Variants in SARNP observed in about 807,000 individuals in gnomAD.
The protein encoded by SARNP is SAP domain-containing ribonucleoprotein.
SARNP carries 5 observed loss-of-function variants against 38.1 expected under a neutral mutation model. The observed-to-expected ratio is 0.13, with a 90% confidence interval of 0.07 to 0.28. The LOEUF (loss-of-function observed/expected upper bound fraction) is 0.28, where lower values mean the gene tolerates loss of function less well. SARNP is among the 10% of genes least tolerant of loss of function. SARNP has a pLI of 1.00. For synonymous variants in SARNP, 84 were observed against 80.6 expected (o/e 1.04, Z -0.23); for missense variants, 180 against 243.9 (o/e 0.74, Z 1.75).
chr12:55,790,061 A>C (rs1879619633), intron 8 of SARNP, among the ~76,000 whole-genome samples: 1 of 151,894 alleles, frequency 6.6e-6, no homozygotes, highest in Non-Finnish European at 1.5e-5. Context: ...ATTCTATTTC[A>C]CCACAGCATT....
chr12:55,783,538 T>C (rs1038605981), intron 9 of SARNP, among the ~76,000 whole-genome samples: 2 of 151,854 alleles, frequency 1.3e-5, no homozygotes, highest in Non-Finnish European at 2.9e-5. Context: ...ACAAACAGAC[T>C]TTTCTTGGGC....
At position 55,784,713 on chromosome 12, in the gene SARNP, C is replaced by T. The variant is rs115632708; in HGVS notation, c.501+4362G>A. ...AGATATGAGTTGTCCGATATGGTAGCCACTAGCCACAAATGGCTTTGTAAA... is the reference window on the plus strand; with the variant it reads ...AGATATGAGTTGTCCGATATGGTAGTCACTAGCCACAAATGGCTTTGTAAA... On this transcript the variant is annotated intron_variant, in intron 9 of 10. Transcript: ENST00000336133. Among the ~76,000 whole-genome samples, 476 of 152,278 alleles carry T rather than the reference C, an allele frequency of 3.1e-3. 1 individual carries two copies. Among genetic ancestry groups the T allele is most frequent in the African/African-American group, 0.011 (440 of 41,538 alleles).
intron 9 of SARNP, among the ~76,000 whole-genome samples, chr12:55,766,182 C>G (rs146993853): frequency 9.2e-5 from 14 of 152,302 alleles, no homozygotes; most frequent in Non-Finnish European, 2.1e-4. Context: ...CATCCCTCCC[C>G]CACTACCCTC....
At chr12:55,786,790 T>C (rs1879509504) in intron 9 of SARNP, among the ~76,000 whole-genome samples, 1 of 152,140 alleles carries the variant, frequency 6.6e-6, no homozygotes, top group Admixed American at 6.6e-5. Flanking sequence ...TTAAAGTGCA[T>C]GTGGCTTAAG....
chr12:55,797,682 A>G (rs931536579), intron 4 of SARNP, among the ~76,000 whole-genome samples: 5 of 152,202 alleles, frequency 3.3e-5, no homozygotes, highest in Admixed American at 3.3e-4. Flanking sequence ...GTTTCCTTCC[A>G]TTCTATTACA....
intron 4 of SARNP, among the ~76,000 whole-genome samples, chr12:55,799,893 A>C: frequency 6.6e-6 from 1 of 150,470 alleles, no homozygotes; most frequent in Admixed American, 6.6e-5. Flanking sequence ...ACTCTTATGA[A>C]CAGTTAACAG....
At chr12:55,760,468 G>A (rs759544215) in intron 10 of SARNP, 83 bp downstream of exon 10, 4 of 799,630 alleles carry the variant, frequency 5.0e-6, no homozygotes, top group South Asian at 1.5e-5. Context: ...AAATAAATAG[G>A]TGGGGAAACA....
intron 9 of SARNP, among the ~76,000 whole-genome samples, chr12:55,766,499 C>G (rs1336631540): frequency 6.6e-6 from 1 of 150,894 alleles, no homozygotes; most frequent in Non-Finnish European, 1.5e-5. Context: ...TAATACCTGT[C>G]TTGTTCGCTT....
intron 9 of SARNP, among the ~76,000 whole-genome samples, chr12:55,777,493 G>A (rs1879217022): frequency 6.6e-6 from 1 of 151,762 alleles, no homozygotes; most frequent in Non-Finnish European, 1.5e-5. Flanking sequence ...TCCTGCCTCA[G>A]CCTCCCGAGT....
chr12:55,765,861 T>C (rs1232529970), intron 9 of SARNP, among the ~76,000 whole-genome samples: 1 of 151,796 alleles, frequency 6.6e-6, no homozygotes, highest in East Asian at 1.9e-4. Context: ...AGTGCACAAC[T>C]GGGCCCAGTA....
chr12:55,783,494 A>G (rs1879399273), intron 9 of SARNP, among the ~76,000 whole-genome samples: 2 of 150,258 alleles, frequency 1.3e-5, no homozygotes, highest in African/African-American at 4.9e-5. Context: ...AACCAATAAG[A>G]TTCTGTTCAC....
chr12:55,803,630 A>G lies in SARNP; in HGVS notation c.135T>C (p.His45=), dbSNP rs777888464. 9 of 1,599,826 alleles carry G rather than the reference A, an allele frequency of 5.6e-6. No homozygotes were observed. The East Asian group carries it at 1.8e-4, about 32-fold the overall frequency. ...ACTCCGCCTCCACAAAGTACTCACC[A>G]TGTTCTTCAAGATATGCCTGGAGTC... The part of the protein sequence containing the change: ...IHRLQAYLEE[H]AEEEANEEDV... Residue 45 remains histidine, a splice_region_variant and synonymous_variant, in exon 2 of 11, where the codon CAT becomes CAC. Transcript: ENST00000336133.
chr12:55,797,883 A>G (rs1879865427), intron 4 of SARNP, among the ~76,000 whole-genome samples: 1 of 152,168 alleles, frequency 6.6e-6, no homozygotes, highest in African/African-American at 2.4e-5. Context: ...AAAAATCAAA[A>G]ACGATCACCC....
chr12:55,759,292 G>C (rs906657543), intron 10 of SARNP, among the ~76,000 whole-genome samples: 2 of 152,040 alleles, frequency 1.3e-5, no homozygotes, highest in African/African-American at 4.8e-5. Context: ...TTTTTATACA[G>C]AATCGTTTCA....
chr12:55,817,592 G>A (rs1415271629), intron 1 of SARNP, 74 bp downstream of exon 1: 1 of 1,423,356 alleles, frequency 7.0e-7, no homozygotes, highest in Admixed American at 2.0e-5. Flanking sequence ...GAAGACGTAG[G>A]AGAAGGCGCA....
At position 55,803,673 on chromosome 12, in the gene SARNP, T is replaced by C; in HGVS notation, c.92A>G (p.Lys31Arg). Residue 31 changes from lysine (K) to arginine (R), a missense_variant, in exon 2 of 11, where the codon AAG (lysine) becomes AGG (arginine). Coordinates refer to ENST00000336133, the MANE Select transcript of SARNP (RefSeq NM_033082.4). ...LARGLETKGI[K>R]QDLIHRLQAY... ...CTGGAGTCTGTGGATAAGATCTTGC[T>C]TTATTCCCTTGGTCTCCAAACCACG... 1 of 1,613,774 alleles carries C rather than the reference T, an allele frequency of 6.2e-7. No homozygotes were observed. The highest frequency in any genetic ancestry group is 8.5e-7 in the Non-Finnish European group (1 of 1,179,756).
chr12:55,759,581 T>C (rs1209041719), intron 10 of SARNP, among the ~76,000 whole-genome samples: 4 of 152,100 alleles, frequency 2.6e-5, no homozygotes, highest in Non-Finnish European at 1.5e-5. Flanking sequence ...TGGCTAATTT[T>C]TTTAAATAAG....
chr12:55,788,625 C>T (rs899822742), intron 9 of SARNP, among the ~76,000 whole-genome samples: 11 of 151,960 alleles, frequency 7.2e-5, no homozygotes, highest in East Asian at 3.9e-4. Flanking sequence ...AGCAAAATCC[C>T]GTCTCTACCA....
chr12:55,810,806 G>A (rs1213768377), intron 1 of SARNP, among the ~76,000 whole-genome samples: 1 of 151,580 alleles, frequency 6.6e-6, no homozygotes, highest in Non-Finnish European at 1.5e-5. Flanking sequence ...GCCAGGCGCG[G>A]TGGCTCACGC....
Sources: gnomAD v4.1 joint callset for allele counts (sites outside exome capture counted in the v4.1 genomes callset) on GRCh38, gnomAD v4.1.1 for gene constraint, MANE v1.5 for transcripts, NCBI Gene and HGNC (gene_info 2026-07-23, HGNC 2026-07-21) for gene names.